Variants in FRMD4A observed in about 807,000 individuals in gnomAD.
The protein encoded by FRMD4A is FERM domain-containing protein 4A.
In FRMD4A, 29 loss-of-function variants were observed where a neutral mutation model predicts 129.1. The ratio of observed to expected loss-of-function variants is 0.22; its 90% CI spans 0.17 to 0.31. The LOEUF (loss-of-function observed/expected upper bound fraction) is 0.31, where lower values mean the gene tolerates loss of function less well. FRMD4A is among the 10% of genes least tolerant of loss of function. The pLI, the probability that FRMD4A is intolerant of heterozygous loss-of-function variation, is 1.00. For synonymous variants in FRMD4A, 634 were observed against 571.6 expected (o/e 1.11, Z -1.56); for missense variants, 1,272 against 1,375.8 (o/e 0.92, Z 1.19).
intron 2 of FRMD4A, among the ~76,000 whole-genome samples, chr10:14,140,215 C>T (rs916316962): frequency 6.6e-6 from 1 of 152,124 alleles, no homozygotes; most frequent in African/African-American, 2.4e-5. Context: ...GCGCACACCA[C>T]CACACCTGGC....
chr10:13,940,098 C>T (rs1053452028), intron 2 of FRMD4A, among the ~76,000 whole-genome samples: 1 of 151,918 alleles, frequency 6.6e-6, no homozygotes, highest in African/African-American at 2.4e-5. Context: ...CCCATGAGTA[C>T]TTGGGGAAAC....
At chr10:13,863,974 T>G (rs1287758819) in intron 2 of FRMD4A, among the ~76,000 whole-genome samples, 3 of 152,010 alleles carry the variant, frequency 2.0e-5, no homozygotes, top group Non-Finnish European at 4.4e-5. Context: ...TGGCAAAGTC[T>G]TTTCTCTCTC....
At chr10:13,846,649 A>T (rs1465776217) in intron 3 of FRMD4A, among the ~76,000 whole-genome samples, 1 of 152,228 alleles carries the variant, frequency 6.6e-6, no homozygotes, top group Non-Finnish European at 1.5e-5. Context: ...TGGTGACTGT[A>T]ATGGCATAGG....
intron 2 of FRMD4A, among the ~76,000 whole-genome samples, chr10:13,985,289 G>C (rs1366458097): frequency 2.6e-5 from 4 of 152,190 alleles, no homozygotes; most frequent in Non-Finnish European, 5.9e-5. Context: ...CTGCTCACTG[G>C]GACCCTGGAG....
rs1460249529 is a variant in FRMD4A, at chr10:13,646,436, G to C, written c.*602C>G. The C allele has an allele frequency of 6.6e-6, 1 of 152,442 alleles. No individual in the cohort carries two copies. 9.4% of individuals were successfully genotyped at this position (152,442 alleles called of 1,614,324 possible). ...CCTTCCCCCATAGCCATCCCCACAA[G>C]CTGTCCCATCAAGGAATATTTCAGG... On this transcript the variant is annotated 3_prime_UTR_variant, in exon 25 of 25. Transcript: ENST00000357447.
chr10:14,136,438 C>A (rs1413622338), intron 2 of FRMD4A, among the ~76,000 whole-genome samples: 1 of 152,176 alleles, frequency 6.6e-6, no homozygotes, highest in Non-Finnish European at 1.5e-5. Context: ...AGTTATCCCT[C>A]TGCTCACCTG....
chr10:14,059,742 G>C lies in FRMD4A; in HGVS notation c.46-200830C>G, dbSNP rs138470454. On this transcript the variant is annotated intron_variant, in intron 2 of 24. Transcript: ENST00000357447. ...TGACTCAATAACGGAAGCTTCTCAC[G>C]AGCATCTCAAAATTGTTCTCCATCC... 3.4e-3 allele frequency among the ~76,000 whole-genome samples: 517 copies of C among 152,250 alleles called. 2 individuals carry two copies. Among genetic ancestry groups the C allele is most frequent in the Middle Eastern group, 6.8e-3 (2 of 294 alleles).
intron 6 of FRMD4A, among the ~76,000 whole-genome samples, chr10:13,767,743 G>A (rs1266816832): frequency 6.6e-6 from 1 of 152,194 alleles, no homozygotes; most frequent in Non-Finnish European, 1.5e-5. Flanking sequence ...CTTATGCAGG[G>A]GCTGAGGTGT....
intron 2 of FRMD4A, among the ~76,000 whole-genome samples, chr10:14,176,772 T>C (rs1841745230): frequency 6.6e-6 from 1 of 152,000 alleles, no homozygotes. Flanking sequence ...GCACCCAGAC[T>C]TACTTCCATC....
At chr10:13,752,767 TC>T (rs2091688146) in intron 8 of FRMD4A, among the ~76,000 whole-genome samples, 3 of 152,220 alleles carry the variant, frequency 2.0e-5, no homozygotes, top group Admixed American at 1.3e-4. Flanking sequence ...TGCAGGTCCT[TC>T]ATCCATTATC....
At chr10:14,063,271 G>C (rs1187129501) in intron 2 of FRMD4A, among the ~76,000 whole-genome samples, 5 of 151,776 alleles carry the variant, frequency 3.3e-5, no homozygotes, top group Admixed American at 2.6e-4. Context: ...CAGCTTGAAT[G>C]ACTCCCAGAT....
chr10:14,010,664 C>CTTTTTTTTTTTTTGTTTTTT (rs2095678869), intron 2 of FRMD4A, among the ~76,000 whole-genome samples: 1 of 76,418 alleles, frequency 1.3e-5, no homozygotes, highest in Non-Finnish European at 2.4e-5. Context: ...GAGTTTAGGT[C>CTTTTTTTTTTTTTGTTTTTT]TTTTTTTTTT....
intron 11 of FRMD4A, among the ~76,000 whole-genome samples, chr10:13,738,329 A>T (rs1588497367): frequency 6.6e-6 from 1 of 152,140 alleles, no homozygotes; most frequent in Non-Finnish European, 1.5e-5. Context: ...TAATAAAAGG[A>T]CCTTCTGGGC....
At chr10:14,005,852 G>C (rs1432847490) in intron 2 of FRMD4A, among the ~76,000 whole-genome samples, 1 of 152,190 alleles carries the variant, frequency 6.6e-6, no homozygotes, top group African/African-American at 2.4e-5. Flanking sequence ...CCTGGGCTCT[G>C]TGCCTTGTTA....
chr10:14,317,207 TG>T (rs1846772782), intron 2 of FRMD4A, among the ~76,000 whole-genome samples: 1 of 152,206 alleles, frequency 6.6e-6, no homozygotes. Flanking sequence ...TCAAACTCCT[TG>T]CCATTTATTC....
chr10:14,307,205 C>T (rs138883805), intron 2 of FRMD4A, among the ~76,000 whole-genome samples: 51 of 152,276 alleles, frequency 3.3e-4, no homozygotes, highest in African/African-American at 1.1e-3. Context: ...AATATGCATT[C>T]GCAAAGCTAC....
At chr10:13,884,931 G>A (rs956525487) in intron 2 of FRMD4A, among the ~76,000 whole-genome samples, 1 of 152,206 alleles carries the variant, frequency 6.6e-6, no homozygotes, top group Admixed American at 6.5e-5. Flanking sequence ...AAGTGAGGAT[G>A]CACCATTTAT....
intron 2 of FRMD4A, among the ~76,000 whole-genome samples, chr10:14,048,276 TTG>T (rs1834075119): frequency 6.6e-6 from 1 of 152,126 alleles, no homozygotes; most frequent in Non-Finnish European, 1.5e-5. Flanking sequence ...TGGAATGGAT[TTG>T]GACCGGGAAG....
intron 2 of FRMD4A, among the ~76,000 whole-genome samples, chr10:14,064,646 C>T (rs1173259019): frequency 6.6e-6 from 1 of 152,158 alleles, no homozygotes; most frequent in Non-Finnish European, 1.5e-5. Context: ...GGCGCGATCT[C>T]GGCTCACTGC....
Sources: gnomAD v4.1 joint callset for allele counts (sites outside exome capture counted in the v4.1 genomes callset) on GRCh38, gnomAD v4.1.1 for gene constraint, MANE v1.5 for transcripts, NCBI Gene and HGNC (gene_info 2026-07-23, HGNC 2026-07-21) for gene names.